Variants in CTNNA3 observed in about 807,000 individuals in gnomAD.
CTNNA3 encodes the protein catenin alpha-3.
In CTNNA3, 76 loss-of-function variants were observed where a neutral mutation model predicts 95.7. The ratio of observed to expected loss-of-function variants is 0.79; its 90% confidence interval spans 0.66 to 0.96. The LOEUF is 0.96. Among genes scored for constraint, CTNNA3 ranks in the 40% least tolerant of loss-of-function variants. CTNNA3 has a pLI of 0.00. For missense variants in CTNNA3, 1,191 were observed against 1,089.8 expected, an observed-to-expected ratio of 1.09 and a Z score of -1.31; for synonymous variants, 431 against 374.4, an observed-to-expected ratio of 1.15 and a Z score of -1.74.
rs1842510040 is a variant in CTNNA3 at position 66,826,262 on chromosome 10, A to C, written c.1048-50738T>G. ...CTGCTAAACATGTCTATGTAATTGA[A>C]TGTTTGGTTTGTTTGTGTTTTTTTA... is the stretch of plus-strand genomic sequence containing the variant. On this transcript the variant is annotated intron_variant, in intron 7 of 17. Transcript: ENST00000433211. Among the ~76,000 whole-genome samples, 8 of 152,168 alleles carry C rather than the reference A, an allele frequency of 5.3e-5. No individual in the cohort carries two copies. The South Asian group carries it at 1.7e-3, about 32-fold the overall frequency.
At position 66,117,410 on chromosome 10, in the gene CTNNA3, T is replaced by A. The variant is rs139751977; in HGVS notation, c.1885-14161A>T. Among the ~76,000 whole-genome samples, 342 of 152,182 alleles carry A rather than the reference T, an allele frequency of 2.2e-3. 2 individuals are homozygous for A. Among genetic ancestry groups the A allele is most frequent in the African/African-American group, 7.4e-3 (309 of 41,542 alleles). On this transcript the variant is annotated intron_variant, in intron 13 of 17. Transcript: ENST00000433211. ...CTGTTGAATAAATACATAAAAGAAG[T>A]AGTAATGCTACAAGATCATTTTTAA... is the stretch of plus-strand genomic sequence containing the variant.
At chr10:66,095,921 A>G (rs980649257) in intron 14 of CTNNA3, among the ~76,000 whole-genome samples, 1 of 152,126 alleles carries the variant, frequency 6.6e-6, no homozygotes, top group Non-Finnish European at 1.5e-5. Context: ...TTAAGTGAAT[A>G]TAATGTTAAA....
chr10:67,601,156 T>C (rs1843071765), intron 3 of CTNNA3, among the ~76,000 whole-genome samples: 1 of 152,236 alleles, frequency 6.6e-6, no homozygotes, highest in Non-Finnish European at 1.5e-5. Context: ...TCTGTATATA[T>C]GTTATTCTTC....
intron 7 of CTNNA3, among the ~76,000 whole-genome samples, chr10:67,072,577 T>C (rs1056892934): frequency 3.9e-5 from 6 of 152,170 alleles, no homozygotes; most frequent in Non-Finnish European, 8.8e-5. Context: ...AACCAAGGAC[T>C]CAGCTGGGTT....
upstream of CTNNA3, among the ~76,000 whole-genome samples, chr10:67,698,949 A>C (rs919816528): frequency 3.9e-5 from 6 of 152,148 alleles, no homozygotes; most frequent in African/African-American, 1.4e-4. Context: ...GCCATCTGGA[A>C]GATGTTTCAC....
intron 9 of CTNNA3, among the ~76,000 whole-genome samples, chr10:66,752,543 T>C (rs78513328): frequency 6.6e-6 from 1 of 152,102 alleles, no homozygotes; most frequent in African/African-American, 2.4e-5. Flanking sequence ...ATCTAAGTCA[T>C]AAAAGCATAA....
chr10:67,618,163 AG>A (rs1403007217), intron 2 of CTNNA3, among the ~76,000 whole-genome samples: 5 of 152,214 alleles, frequency 3.3e-5, no homozygotes, highest in Non-Finnish European at 5.9e-5. Flanking sequence ...AAAAGCAAAA[AG>A]TCAACCTTTT....
chr10:66,070,135 C>G (rs2080405272), intron 14 of CTNNA3, among the ~76,000 whole-genome samples: 1 of 151,976 alleles, frequency 6.6e-6, no homozygotes. Context: ...TATGAAGAAT[C>G]AAATTAAGCT....
intron 7 of CTNNA3, among the ~76,000 whole-genome samples, chr10:66,816,387 C>A (rs1219197155): frequency 6.6e-6 from 1 of 151,796 alleles, no homozygotes; most frequent in Admixed American, 6.6e-5. Flanking sequence ...AATTAAAAGG[C>A]AAAAATCGAC....
intron 1 of CTNNA3, among the ~76,000 whole-genome samples, chr10:67,686,000 A>G (rs1038093848): frequency 6.8e-6 from 1 of 146,488 alleles, no homozygotes; most frequent in East Asian, 2.0e-4. Context: ...CTTTCTCTCC[A>G]TCTTTTCTCT....
intron 10 of CTNNA3, among the ~76,000 whole-genome samples, chr10:66,582,157 T>A (rs1021411373): frequency 6.6e-6 from 1 of 151,894 alleles, no homozygotes; most frequent in Non-Finnish European, 1.5e-5. Context: ...AATTTTAGGA[T>A]TGATTTTTCT....
At chr10:67,579,772 T>G (rs937946385) in intron 3 of CTNNA3, among the ~76,000 whole-genome samples, 6 of 152,194 alleles carry the variant, frequency 3.9e-5, no homozygotes, top group Non-Finnish European at 8.8e-5. Flanking sequence ...GGTATCTCAT[T>G]GTGGTTTTGA....
intron 5 of CTNNA3, among the ~76,000 whole-genome samples, chr10:67,336,419 G>A (rs1424567581): frequency 6.6e-6 from 1 of 152,174 alleles, no homozygotes; most frequent in Non-Finnish European, 1.5e-5. Flanking sequence ...GCTCGCAGAG[G>A]TTGGTTTATA....
Position 66,164,623 on chromosome 10 carries a change from C to A in CTNNA3, c.1885-61374G>T, listed in dbSNP as rs551965475. ...TGAGAATTAAGTTAAATAATCCCAA[C>A]GTGAACTAGAAAAAGAAAGAAAATC... is the stretch of plus-strand genomic sequence containing the variant. On this transcript the variant is annotated intron_variant, in intron 13 of 17. Transcript: ENST00000433211. 2.0e-5 allele frequency among the ~76,000 whole-genome samples: 3 copies of A among 151,362 alleles called. No homozygotes were observed. In the South Asian group the frequency reaches 6.2e-4, roughly 32 times the overall value.
intron 12 of CTNNA3, among the ~76,000 whole-genome samples, chr10:66,314,885 T>A (rs1483107789): frequency 6.6e-6 from 1 of 152,108 alleles, no homozygotes; most frequent in Non-Finnish European, 1.5e-5. Flanking sequence ...AAGCATCTGC[T>A]TTTGCACTCA....
chr10:65,950,822 A>T (rs1452906000), intron 17 of CTNNA3, among the ~76,000 whole-genome samples: 1 of 151,924 alleles, frequency 6.6e-6, no homozygotes, highest in Non-Finnish European at 1.5e-5. Flanking sequence ...AACAGTAGAG[A>T]CTCTCACATC....
chr10:67,695,901 A>G (rs887695713), intron 1 of CTNNA3, 99 bp downstream of exon 1: 2 of 152,234 alleles, frequency 1.3e-5, no homozygotes, highest in Non-Finnish European at 2.9e-5. Flanking sequence ...AGAAAACCCC[A>G]AATTTTAAAC....
intron 9 of CTNNA3, among the ~76,000 whole-genome samples, chr10:66,633,345 G>A (rs1235401868): frequency 1.3e-5 from 2 of 152,150 alleles, no homozygotes; most frequent in Non-Finnish European, 2.9e-5. Context: ...ATAATTTTAA[G>A]TGAGATACTG....
At chr10:67,396,809 C>A (rs1844724018) in intron 5 of CTNNA3, among the ~76,000 whole-genome samples, 1 of 151,310 alleles carries the variant, frequency 6.6e-6, no homozygotes, top group South Asian at 2.1e-4. Context: ...GCAGTTACCC[C>A]ATGCTGCTGT....
Sources: allele counts gnomAD v4.1 joint callset (sites outside exome capture counted in the v4.1 genomes callset), GRCh38; gene constraint gnomAD v4.1.1; transcripts MANE v1.5; gene names NCBI Gene and HGNC (gene_info 2026-07-23, HGNC 2026-07-21).